The following RASGRP1 variants were observed in gnomAD, a reference collection of about 807,000 sequenced individuals.
RASGRP1 encodes RAS guanyl releasing protein 1, also known as RAS guanyl-releasing protein 1.
A neutral mutation model predicts 95.1 loss-of-function variants in RASGRP1; 37 were observed. That is an observed-to-expected ratio of 0.39 (90% CI 0.30 to 0.51). RASGRP1 has a LOEUF of 0.51. Among genes scored for constraint, RASGRP1 ranks in the 20% least tolerant of loss-of-function variants. The pLI is 0.80. For synonymous variants in RASGRP1, 325 were observed against 353.4 expected, an observed-to-expected ratio of 0.92 and a Z score of 0.90; for missense variants, 711 against 965.4, an observed-to-expected ratio of 0.74 and a Z score of 3.49.
Position 38,524,472 on chromosome 15 carries a change from G to A in RASGRP1, c.326+1827C>T, listed in dbSNP as rs74688802. The A allele has an allele frequency of 6.6e-3, 1,015 of 152,676 alleles. 17 individuals carry two copies. The highest frequency in any genetic ancestry group is 0.041 in the East Asian group (210 of 5,184). The allele number at this position is 152,676 out of a possible 1,614,324, so 9.5% of individuals were successfully genotyped here. A position where few individuals can be genotyped will look rare whatever the true frequency, so the allele number is the denominator to read the frequency against. The stretch of plus-strand genomic sequence containing the variant: ...AGGAAAGCCAGGAGGGTGTCGTTCC[G>A]GGAGCCTTGGAGGGAGAGCTGGGAG... On this transcript the variant is annotated intron_variant, in intron 3 of 16. Transcript: ENST00000310803.
At chr15:38,554,301 T>C (rs1046321701) in intron 2 of RASGRP1, among the ~76,000 whole-genome samples, 1 of 152,104 alleles carries the variant, frequency 6.6e-6, no homozygotes, top group African/African-American at 2.4e-5. Context: ...AACCACCTCA[T>C]AGGGTTGTTG....
In RASGRP1 at chr15:38,501,462, CAT is replaced by C. The variant is rs747663984; in HGVS notation, c.1539-177_1539-176del. 1,999 of 818,762 alleles carry C rather than the reference CAT, an allele frequency of 2.4e-3. 9 individuals are homozygous for C. The highest frequency in any genetic ancestry group is 3.0e-3 in the Non-Finnish European group (1,496 of 493,350). 50.7% of individuals were successfully genotyped at this position (818,762 alleles called of 1,614,324 possible). ...TACTCTTAACAAGGATACAAGATGA[CAT>C]GTGGTAAGTAGGTAAGGCAGCATTA... On this transcript the variant is annotated intron_variant, in intron 12 of 16. Coordinates refer to ENST00000310803, the MANE Select transcript of RASGRP1 (RefSeq NM_005739.4).
At chr15:38,503,003 C>A (rs1891100878) in intron 11 of RASGRP1, 1 of 507,364 alleles carries the variant, frequency 2.0e-6, no homozygotes, top group South Asian at 2.7e-5. Flanking sequence ...CATCCCAATA[C>A]TTCTGTACTC....
At chr15:38,515,788 CTT>C (rs1242778071) in intron 6 of RASGRP1, among the ~76,000 whole-genome samples, 5 of 134,794 alleles carry the variant, frequency 3.7e-5, no homozygotes, top group African/African-American at 1.1e-4. Flanking sequence ...ACCCCCCCCC[CTT>C]TTTTTTTTTG....
chr15:38,557,318 G>A (rs1345942065), intron 2 of RASGRP1, among the ~76,000 whole-genome samples: 5 of 152,162 alleles, frequency 3.3e-5, no homozygotes, highest in Non-Finnish European at 7.4e-5. Flanking sequence ...GACAAAAGGT[G>A]CTGGCTTCTG....
intron 3 of RASGRP1, among the ~76,000 whole-genome samples, chr15:38,523,632 C>T (rs1437884551): frequency 2.0e-5 from 3 of 152,188 alleles, no homozygotes; most frequent in Non-Finnish European, 4.4e-5. Context: ...TCACCACTCA[C>T]CCCTGACTAC....
chr15:38,513,016 C>T, intron 6 of RASGRP1, 60 bp from the exon 7 acceptor site: 1 of 1,401,478 alleles, frequency 7.1e-7, no homozygotes, highest in Non-Finnish European at 9.4e-7. Context: ...TCTGGTATTC[C>T]AGAAGATTTA....
At chr15:38,495,796 T>G (rs1434932610) in intron 15 of RASGRP1, among the ~76,000 whole-genome samples, 1 of 151,798 alleles carries the variant, frequency 6.6e-6, no homozygotes, top group Non-Finnish European at 1.5e-5. Context: ...TTTGGAGGAG[T>G]ATTATGGGTG....
intron 5 of RASGRP1, among the ~76,000 whole-genome samples, chr15:38,517,918 C>T (rs961728849): frequency 6.6e-6 from 1 of 152,188 alleles, no homozygotes; most frequent in African/African-American, 2.4e-5. Flanking sequence ...TTTTTTAGTC[C>T]TGTCCCATTT....
intron 3 of RASGRP1, among the ~76,000 whole-genome samples, chr15:38,522,537 T>C (rs1382086424): frequency 6.6e-6 from 1 of 152,024 alleles, no homozygotes; most frequent in African/African-American, 2.4e-5. Context: ...AAAACTAAAA[T>C]CAAAGGAATT....
intron 8 of RASGRP1, among the ~76,000 whole-genome samples, chr15:38,508,245 T>C (rs35722146): frequency 0.34 from 52,257 of 152,070 alleles, 9,574 homozygotes; most frequent in East Asian, 0.69. Context: ...ACTTAAACAT[T>C]ATAAATCGGG....
Position 38,518,320 on chromosome 15 carries a change from G to GT in RASGRP1, c.492dup (p.His165ThrfsTer6). The GT allele has an allele frequency of 6.2e-7, 1 of 1,610,526 alleles. No individual in the cohort carries two copies. The highest frequency in any genetic ancestry group is 8.5e-7 in the Non-Finnish European group (1 of 1,178,464). ...TGAGTTGTGTCAATCAGGCGGCAAT[G>GT]TAACTCCTCACCCTTAGCTTTCACC... On this transcript the variant is annotated frameshift_variant, in exon 5 of 17. Coordinates refer to ENST00000310803, the MANE Select transcript of RASGRP1 (RefSeq NM_005739.4). LOFTEE classifies it high-confidence loss of function.
At chr15:38,558,351 T>G (rs1893658515) in intron 2 of RASGRP1, among the ~76,000 whole-genome samples, 1 of 152,210 alleles carries the variant, frequency 6.6e-6, no homozygotes, top group African/African-American at 2.4e-5. Flanking sequence ...GCTCCCAGAT[T>G]CATCTTAACT....
In RASGRP1 at chr15:38,489,155, A is replaced by G. The variant is rs898807059; in HGVS notation, c.*1399T>C. 6.6e-6 allele frequency: 1 copy of G among 151,916 alleles called. No homozygotes were observed. 9.4% of individuals were successfully genotyped at this position (151,916 alleles called of 1,614,324 possible). Reference sequence around the variant, plus strand: ...TTTAATTGTTAACATATTCTTGGCAATTGGACAACTTGTTTATGAATTTCA... The same window carrying G: ...TTTAATTGTTAACATATTCTTGGCAGTTGGACAACTTGTTTATGAATTTCA... On this transcript the variant is annotated 3_prime_UTR_variant, in exon 17 of 17. Coordinates refer to ENST00000310803, the MANE Select transcript of RASGRP1 (RefSeq NM_005739.4).
chr15:38,507,565 A>G (rs148773209), intron 9 of RASGRP1, among the ~76,000 whole-genome samples, 161 bp downstream of exon 9: 22 of 152,288 alleles, frequency 1.4e-4, no homozygotes, highest in Non-Finnish European at 2.5e-4. Context: ...GGCAAGGTAT[A>G]TCTTTGTGCT....
At chr15:38,538,539 T>G (rs1262134137) in intron 2 of RASGRP1, among the ~76,000 whole-genome samples, 2 of 152,226 alleles carry the variant, frequency 1.3e-5, no homozygotes, top group African/African-American at 2.4e-5. Context: ...TACCAGACAC[T>G]GTTTCAAGAC....
At chr15:38,517,219 C>G (rs916284044) in intron 5 of RASGRP1, among the ~76,000 whole-genome samples, 5 of 152,180 alleles carry the variant, frequency 3.3e-5, no homozygotes, top group Non-Finnish European at 5.9e-5. Context: ...TCAGTTATAT[C>G]TGGCCAAGTA....
intron 2 of RASGRP1, among the ~76,000 whole-genome samples, chr15:38,528,824 G>A (rs1020301158): frequency 2.0e-5 from 3 of 151,974 alleles, no homozygotes; most frequent in Admixed American, 2.0e-4. Flanking sequence ...TTCAGCCTTC[G>A]CTACCCAATT....
intron 2 of RASGRP1, among the ~76,000 whole-genome samples, chr15:38,539,041 G>GGTA (rs1198655366): frequency 6.6e-6 from 1 of 152,056 alleles, no homozygotes; most frequent in African/African-American, 2.4e-5. Flanking sequence ...CTGAGAGATG[G>GGTA]GTATTATTTG....
Sources: gnomAD v4.1 joint callset for allele counts (sites outside exome capture counted in the v4.1 genomes callset) on GRCh38, gnomAD v4.1.1 for gene constraint, MANE v1.5 for transcripts, NCBI Gene and HGNC (gene_info 2026-07-23, HGNC 2026-07-21) for gene names.